The following FCHSD2 variants were observed in gnomAD, a reference collection of about 807,000 sequenced individuals.
The protein encoded by FCHSD2 is FCH and double SH3 domains 2, also known as F-BAR and double SH3 domains protein 2.
Under a neutral mutation model 108.1 loss-of-function variants are expected in FCHSD2, and 38 were observed. That is an observed-to-expected ratio of 0.35 (90% CI 0.27 to 0.46). The LOEUF (loss-of-function observed/expected upper bound fraction) is 0.46, where lower values mean the gene tolerates loss of function less well. Among genes scored for constraint, FCHSD2 ranks in the 20% least tolerant of loss-of-function variants. The pLI is 1.00. For synonymous variants in FCHSD2, 279 were observed against 314.7 expected, an observed-to-expected ratio of 0.89 and a Z score of 1.20; for missense variants, 751 against 897.8, an observed-to-expected ratio of 0.84 and a Z score of 2.09.
At chr11:72,852,256 C>T (rs1281457606) in intron 13 of FCHSD2, among the ~76,000 whole-genome samples, 2 of 152,114 alleles carry the variant, frequency 1.3e-5, no homozygotes, top group African/African-American at 2.4e-5. Flanking sequence ...AAAAGGGACG[C>T]TTATACACTG....
At chr11:73,077,835 G>C (rs1482859285) in intron 3 of FCHSD2, among the ~76,000 whole-genome samples, 1 of 152,166 alleles carries the variant, frequency 6.6e-6, no homozygotes, top group Non-Finnish European at 1.5e-5. Flanking sequence ...TGTGATGCTA[G>C]TTTCACAGGT....
At chr11:73,113,534 A>G (rs1860539777) in intron 2 of FCHSD2, among the ~76,000 whole-genome samples, 1 of 151,786 alleles carries the variant, frequency 6.6e-6, no homozygotes, top group African/African-American at 2.4e-5. Flanking sequence ...ACGCCCAGCT[A>G]GTTTCTCTAT....
At chr11:73,029,045 T>C (rs374825143) in intron 3 of FCHSD2, among the ~76,000 whole-genome samples, 6 of 152,006 alleles carry the variant, frequency 3.9e-5, no homozygotes, top group Admixed American at 6.5e-5. Flanking sequence ...GCAATGAAAG[T>C]AGAAAGTTAG....
chr11:73,127,445 C>G (rs1860884411), intron 2 of FCHSD2, among the ~76,000 whole-genome samples: 1 of 152,182 alleles, frequency 6.6e-6, no homozygotes, highest in Non-Finnish European at 1.5e-5. Flanking sequence ...GACAGGGTTA[C>G]AAGTTTCTGT....
intron 2 of FCHSD2, among the ~76,000 whole-genome samples, chr11:73,086,992 T>C (rs893643092): frequency 6.6e-6 from 1 of 152,132 alleles, no homozygotes; most frequent in Non-Finnish European, 1.5e-5. Flanking sequence ...TTATATGAGG[T>C]CCTACAGCTA....
chr11:72,896,587 A>C (rs1855421910), intron 10 of FCHSD2, among the ~76,000 whole-genome samples: 1 of 152,022 alleles, frequency 6.6e-6, no homozygotes, highest in African/African-American at 2.4e-5. Context: ...GCCGTTGATG[A>C]GATCCTCTTT....
intron 3 of FCHSD2, among the ~76,000 whole-genome samples, chr11:73,025,537 G>A (rs1858207678): frequency 1.3e-5 from 2 of 151,952 alleles, no homozygotes; most frequent in Admixed American, 1.3e-4. Flanking sequence ...AATAACTAAT[G>A]GGTACTAGGC....
intron 2 of FCHSD2, among the ~76,000 whole-genome samples, chr11:73,099,879 C>G (rs1860176817): frequency 6.6e-6 from 1 of 152,238 alleles, no homozygotes; most frequent in Admixed American, 6.5e-5. Context: ...CTCTCGGTCA[C>G]TCCGAGGGGA....
intron 12 of FCHSD2, 32 bp downstream of exon 12, chr11:72,887,438 G>T: frequency 7.1e-7 from 1 of 1,413,796 alleles, no homozygotes; most frequent in South Asian, 1.2e-5. Context: ...CATTAGACCT[G>T]GGCAAAATGC....
intron 3 of FCHSD2, among the ~76,000 whole-genome samples, chr11:73,047,048 A>T (rs994970910): frequency 6.6e-6 from 1 of 152,198 alleles, no homozygotes; most frequent in Non-Finnish European, 1.5e-5. Context: ...GATAAAAAAT[A>T]CTATTAAATA....
intron 3 of FCHSD2, among the ~76,000 whole-genome samples, chr11:73,057,736 C>T (rs1591519949): frequency 6.6e-6 from 1 of 152,146 alleles, no homozygotes; most frequent in African/African-American, 2.4e-5. Context: ...ATTAATCAAG[C>T]TCAGTCCCTA....
chr11:72,874,242 G>A (rs1023084843), intron 12 of FCHSD2, among the ~76,000 whole-genome samples: 6 of 152,144 alleles, frequency 3.9e-5, no homozygotes, highest in Non-Finnish European at 5.9e-5. Context: ...GCTGGAATGC[G>A]GTGGTATGAC....
intron 3 of FCHSD2, among the ~76,000 whole-genome samples, chr11:73,042,313 T>C (rs1395381927): frequency 6.6e-6 from 1 of 152,202 alleles, no homozygotes; most frequent in Non-Finnish European, 1.5e-5. Context: ...TTAAAGATGG[T>C]ATCCTTTCCC....
At chr11:73,074,592 A>G (rs1859507055) in intron 3 of FCHSD2, among the ~76,000 whole-genome samples, 1 of 152,204 alleles carries the variant, frequency 6.6e-6, no homozygotes, top group Non-Finnish European at 1.5e-5. Flanking sequence ...ACTGAATATA[A>G]AAGAAAAAAA....
At chr11:72,877,666 T>C (rs1437354900) in intron 12 of FCHSD2, among the ~76,000 whole-genome samples, 3 of 152,282 alleles carry the variant, frequency 2.0e-5, no homozygotes, top group East Asian at 1.9e-4. Context: ...AATATTTATG[T>C]TGTAGTTCTG....
At chr11:73,122,365 T>C (rs375537394) in intron 2 of FCHSD2, among the ~76,000 whole-genome samples, 3 of 152,178 alleles carry the variant, frequency 2.0e-5, no homozygotes, top group East Asian at 3.8e-4. Context: ...TGCAGCTGAA[T>C]GCACCCTGAT....
chr11:72,898,906 T>C (rs1404422934), intron 10 of FCHSD2, among the ~76,000 whole-genome samples: 1 of 151,840 alleles, frequency 6.6e-6, no homozygotes, highest in Non-Finnish European at 1.5e-5. Flanking sequence ...GTTTTCTGTA[T>C]TATTATTATT....
At chr11:72,866,455 A>C (rs1404087830) in intron 13 of FCHSD2, among the ~76,000 whole-genome samples, 1 of 152,010 alleles carries the variant, frequency 6.6e-6, no homozygotes, top group Non-Finnish European at 1.5e-5. Flanking sequence ...TTTTTAGTAG[A>C]GACAGCGTTT....
Position 72,988,957 on chromosome 11 carries a change from C to T in FCHSD2, c.521+7G>A, listed in dbSNP as rs1469656958. ...AATAATTTTCTCAGAAATGTTAAAA[C>T]ACATACTTTGCCTCGATGTCAGCTT... On this transcript the variant is annotated splice_region_variant and intron_variant, in intron 6 of 19. Transcript: ENST00000409418. 6.3e-7 allele frequency: 1 copy of T among 1,598,860 alleles called. No homozygotes were observed. The highest frequency in any genetic ancestry group is 8.5e-7 in the Non-Finnish European group (1 of 1,173,434).
Sources: gnomAD v4.1 joint callset for allele counts (sites outside exome capture counted in the v4.1 genomes callset) on GRCh38, gnomAD v4.1.1 for gene constraint, MANE v1.5 for transcripts, NCBI Gene and HGNC (gene_info 2026-07-23, HGNC 2026-07-21) for gene names.